The following PRR16 variants were observed in gnomAD, a reference collection of about 807,000 sequenced individuals.
PRR16 encodes protein Largen.
Under a neutral mutation model 18.2 loss-of-function variants are expected in PRR16, and 6 were observed. The ratio of observed to expected loss-of-function variants is 0.33; its 90% CI spans 0.18 to 0.65. The LOEUF (loss-of-function observed/expected upper bound fraction) is 0.65, where lower values mean the gene tolerates loss of function less well. Ranked by LOEUF, PRR16 falls within the 30% of genes least tolerant of loss-of-function variation. PRR16 has a pLI of 0.74. For missense variants in PRR16, 412 were observed against 376.6 expected, an observed-to-expected ratio of 1.09 and a Z score of -0.78; for synonymous variants, 151 against 147.8, an observed-to-expected ratio of 1.02 and a Z score of -0.16.
chr5:120,561,593 C>A (rs1752577059), intron 1 of PRR16, among the ~76,000 whole-genome samples: 4 of 152,022 alleles, frequency 2.6e-5, no homozygotes, highest in Admixed American at 2.6e-4. Flanking sequence ...TATTCTGTAG[C>A]CTTTGGATAA....
At chr5:120,567,464 C>T (rs1752772829) in intron 1 of PRR16, among the ~76,000 whole-genome samples, 1 of 152,096 alleles carries the variant, frequency 6.6e-6, no homozygotes, top group Admixed American at 6.6e-5. Context: ...AGGATATTAT[C>T]ATTATTACAA....
the PRR16 span, among the ~76,000 whole-genome samples, chr5:120,775,950 A>C: frequency 6.6e-6 from 1 of 151,660 alleles, no homozygotes. Flanking sequence ...GCCTGGCCTA[A>C]ACTATAAATC....
intron 1 of PRR16, among the ~76,000 whole-genome samples, chr5:120,522,943 A>G (rs934092375): frequency 2.0e-5 from 3 of 152,094 alleles, no homozygotes; most frequent in East Asian, 3.9e-4. Flanking sequence ...TTAAATATAT[A>G]CTACATTGTA....
chr5:120,536,677 G>C (rs1031079751), intron 1 of PRR16, among the ~76,000 whole-genome samples: 1 of 152,188 alleles, frequency 6.6e-6, no homozygotes, highest in African/African-American at 2.4e-5. Context: ...ATTGGGCACT[G>C]ATGAATTAAG....
At chr5:120,709,581 T>C in the PRR16 span, among the ~76,000 whole-genome samples, 25 of 152,288 alleles carry the variant, frequency 1.6e-4, no homozygotes, top group Non-Finnish European at 2.1e-4. Context: ...CTAGATCTTA[T>C]TCTTTTTATC....
rs114638270 is a variant in PRR16, at chr5:120,598,941, T to A, written c.160-87013T>A. Among the ~76,000 whole-genome samples the A allele has an allele frequency of 3.9e-3, 591 of 151,962 alleles. 4 individuals carry two copies. The highest frequency in any genetic ancestry group is 0.014 in the African/African-American group (566 of 41,542). On this transcript the variant is annotated intron_variant, in intron 1 of 1. Coordinates refer to ENST00000407149, the MANE Select transcript of PRR16 (RefSeq NM_001300783.2). ...ATTTTTTGTTCATCTTTTTAATTAA[T>A]CTTAATTTCTTTATATTATAGGTTT...
At chr5:120,660,051 G>C (rs909523874) in intron 1 of PRR16, among the ~76,000 whole-genome samples, 1 of 152,026 alleles carries the variant, frequency 6.6e-6, no homozygotes, top group Admixed American at 6.6e-5. Context: ...TCCAGATTGA[G>C]TGTGGAGTGT....
intron 1 of PRR16, among the ~76,000 whole-genome samples, chr5:120,598,916 AT>A (rs1247933955): frequency 6.6e-6 from 1 of 151,732 alleles, no homozygotes; most frequent in Non-Finnish European, 1.5e-5. Flanking sequence ...CTTTGTTAGA[AT>A]TTTTTGTTCA....
intron 1 of PRR16, among the ~76,000 whole-genome samples, chr5:120,466,500 C>T (rs920789028): frequency 1.4e-4 from 22 of 152,108 alleles, no homozygotes; most frequent in Non-Finnish European, 3.1e-4. Context: ...AGTCCACTCA[C>T]TTTTTTTGCA....
At chr5:120,482,435 C>G (rs1390675760) in intron 1 of PRR16, among the ~76,000 whole-genome samples, 1 of 152,118 alleles carries the variant, frequency 6.6e-6, no homozygotes, top group Non-Finnish European at 1.5e-5. Context: ...CCGGCTGCAT[C>G]CATGTTGCTG....
chr5:120,757,266 G>T, the PRR16 span, among the ~76,000 whole-genome samples: 1 of 152,016 alleles, frequency 6.6e-6, no homozygotes, highest in Non-Finnish European at 1.5e-5. Flanking sequence ...CTCTGGCTTC[G>T]TTCTTTTGGT....
At chr5:120,555,946 CTTTA>C (rs1283218111) in intron 1 of PRR16, among the ~76,000 whole-genome samples, 4 of 151,322 alleles carry the variant, frequency 2.6e-5, no homozygotes, top group African/African-American at 9.7e-5. Context: ...TTAAAAAAGA[CTTTA>C]TTTCCATGGA....
intron 1 of PRR16, chr5:120,618,658 A>G: frequency 1.5e-6 from 1 of 652,988 alleles, no homozygotes. Flanking sequence ...CAGGATAAAG[A>G]GGAAAAAGTA....
At chr5:120,536,183 C>T (rs1751710429) in intron 1 of PRR16, among the ~76,000 whole-genome samples, 1 of 152,156 alleles carries the variant, frequency 6.6e-6, no homozygotes, top group South Asian at 2.1e-4. Flanking sequence ...TGTGTAACCT[C>T]TCTGTGATCA....
chr5:120,482,817 C>A (rs1259735856), intron 1 of PRR16, among the ~76,000 whole-genome samples: 1 of 152,088 alleles, frequency 6.6e-6, no homozygotes, highest in Admixed American at 6.6e-5. Context: ...CATGTAGCAA[C>A]ATAGCAAAGT....
the PRR16 span, among the ~76,000 whole-genome samples, chr5:120,717,621 T>A: frequency 2.0e-5 from 3 of 152,178 alleles, no homozygotes; most frequent in Non-Finnish European, 4.4e-5. Context: ...GGTAATAATC[T>A]AGAAAGATGA....
intron 1 of PRR16, among the ~76,000 whole-genome samples, chr5:120,479,775 A>G (rs930845774): frequency 6.6e-6 from 1 of 152,106 alleles, no homozygotes; most frequent in Non-Finnish European, 1.5e-5. Flanking sequence ...CTAAATTGAC[A>G]TCTAATAGTA....
chr5:120,704,845 C>T, the PRR16 span, among the ~76,000 whole-genome samples: 1,157 of 152,106 alleles, frequency 7.6e-3, 2 homozygotes, highest in Non-Finnish European at 0.011. Context: ...ACTTATGAAG[C>T]CTATTTACGC....
the PRR16 span, among the ~76,000 whole-genome samples, chr5:120,722,090 T>A: frequency 6.6e-6 from 1 of 152,026 alleles, no homozygotes; most frequent in African/African-American, 2.4e-5. Context: ...GTTCTCATTG[T>A]TGGACTCCCA....
Sources: gnomAD v4.1 joint callset for allele counts (sites outside exome capture counted in the v4.1 genomes callset) on GRCh38, gnomAD v4.1.1 for gene constraint, MANE v1.5 for transcripts, NCBI Gene and HGNC (gene_info 2026-07-23, HGNC 2026-07-21) for gene names.